Variants in GAD2 observed in about 807,000 individuals in gnomAD.
GAD2 encodes the protein 65 kDa glutamic acid decarboxylase.
Under a neutral mutation model 80.1 loss-of-function variants are expected in GAD2, and 22 were observed. The ratio of observed to expected loss-of-function variants is 0.27; its 90% CI spans 0.20 to 0.39. The LOEUF is 0.39. Ranked by LOEUF, GAD2 falls within the 10% of genes least tolerant of loss-of-function variation. The pLI, the probability that GAD2 is intolerant of heterozygous loss-of-function variation, is 1.00. For synonymous variants in GAD2, 274 were observed against 256.9 expected (o/e 1.07, Z -0.64); for missense variants, 624 against 738.4 (o/e 0.85, Z 1.80).
At chr10:26,258,054 C>A (rs1205900731) in intron 8 of GAD2, among the ~76,000 whole-genome samples, 1 of 152,158 alleles carries the variant, frequency 6.6e-6, no homozygotes, top group Admixed American at 6.5e-5. Context: ...TCATTCTGCC[C>A]TATCTCAGGA....
rs567040121 is a variant in GAD2, at chr10:26,217,888, C to G, written c.183C>G (p.Ser61Arg). The G allele has an allele frequency of 1.2e-6, 2 of 1,603,086 alleles. No individual in the cohort carries two copies. Among genetic ancestry groups the G allele is most frequent in the East Asian group, 2.2e-5 (1 of 44,478 alleles). The stretch of plus-strand genomic sequence containing the variant: ...AGAAGCCGGCGGAGAGCGGCGGGAG[C>G]CAACCCCCGCGGGCCGCCGCCCGGA... ...DAEKPAESGG[S>R]QPPRAAARKA... Residue 61 changes from serine to arginine, a missense_variant, in exon 3 of 16, where the codon AGC (serine) becomes AGG (arginine). Physicochemically the swap from Ser to Arg is moderately radical, Grantham distance 110 (BLOSUM62 -1). Coordinates refer to ENST00000376261, the MANE Select transcript of GAD2 (RefSeq NM_001134366.2). The surrounding 1 kb of genome is among the most constrained non-coding windows in gnomAD (Gnocchi z 4.9).
In GAD2 at chr10:26,228,805, C is replaced by G. The variant is rs561467476; in HGVS notation, c.725-857C>G. Among the ~76,000 whole-genome samples the G allele has an allele frequency of 4.9e-4, 75 of 152,288 alleles. No homozygotes were observed. In the South Asian group the frequency reaches 5.6e-3, roughly 11 times the overall value. On this transcript the variant is annotated intron_variant, in intron 6 of 15. Coordinates refer to ENST00000376261, the MANE Select transcript of GAD2 (RefSeq NM_001134366.2). Reference sequence around the variant, plus strand: ...CCAAAAGCATTCTCCACCCCACCCCCACCAGCCCCCGACCTTCCATATGTG... The same window carrying G: ...CCAAAAGCATTCTCCACCCCACCCCGACCAGCCCCCGACCTTCCATATGTG...
intron 11 of GAD2, among the ~76,000 whole-genome samples, chr10:26,278,979 G>A (rs1845242417): frequency 2.0e-5 from 3 of 151,892 alleles, no homozygotes; most frequent in Admixed American, 1.3e-4. Flanking sequence ...CCATTGTACG[G>A]CCAGACAGGG....
chr10:26,251,027 C>T (rs1388276985), intron 8 of GAD2, among the ~76,000 whole-genome samples: 1 of 150,702 alleles, frequency 6.6e-6, no homozygotes, highest in Non-Finnish European at 1.5e-5. Context: ...CTACAGGCGT[C>T]CACCACCATG....
chr10:26,271,285 T>TA (rs760837954), intron 10 of GAD2, among the ~76,000 whole-genome samples: 16 of 152,172 alleles, frequency 1.1e-4, no homozygotes, highest in Non-Finnish European at 2.4e-4. Flanking sequence ...CTTGGTCAGC[T>TA]AAGAAGATAG....
rs568092980 is a variant in GAD2 at position 26,245,053 on chromosome 10, T to C, written c.841-868T>C. On this transcript the variant is annotated intron_variant, in intron 7 of 15. Coordinates refer to ENST00000376261, the MANE Select transcript of GAD2 (RefSeq NM_001134366.2). ...CTGTAATCCCAGCTACTTGGGAGGC[T>C]GAGGCAGGAGAATCACTGGAACCCG... is the stretch of plus-strand genomic sequence containing the variant. Among the ~76,000 whole-genome samples, 226 of 150,064 alleles carry C rather than the reference T, an allele frequency of 1.5e-3. 2 individuals are homozygous for C. The highest frequency in any genetic ancestry group is 4.7e-3 in the African/African-American group (191 of 40,618).
intron 8 of GAD2, among the ~76,000 whole-genome samples, chr10:26,259,301 A>G (rs1451930223): frequency 6.6e-6 from 1 of 152,118 alleles, no homozygotes; most frequent in Non-Finnish European, 1.5e-5. Context: ...ACTGTTTATC[A>G]TTTTACATTC....
intron 7 of GAD2, among the ~76,000 whole-genome samples, chr10:26,235,144 G>A (rs1006701787): frequency 6.6e-6 from 1 of 152,208 alleles, no homozygotes; most frequent in Admixed American, 6.5e-5. Context: ...AAAGTTCTGG[G>A]ATTACAGGCG....
At position 26,303,469 on chromosome 10, in the gene GAD2, A is replaced by AGG. The variant is rs1340592393; in HGVS notation, c.*2508_*2509insGG. On this transcript the variant is annotated 3_prime_UTR_variant, in exon 16 of 16. Coordinates refer to ENST00000376261, the MANE Select transcript of GAD2 (RefSeq NM_001134366.2). ...AAGGGAGGGAGGGAGGGAGGGAGGG[A>AGG]AGGAGGGAGGGAGGAAGGAAATGAA... The AGG allele has an allele frequency of 7.9e-6, 1 of 126,834 alleles. No individual in the cohort carries two copies. The highest frequency in any genetic ancestry group is 3.1e-5 in the African/African-American group (1 of 31,796). The allele number at this position is 126,834 out of a possible 1,614,324, so 7.9% of individuals were successfully genotyped here.
intron 8 of GAD2, among the ~76,000 whole-genome samples, chr10:26,261,733 C>G (rs1158788847): frequency 6.6e-6 from 1 of 152,130 alleles, no homozygotes; most frequent in Non-Finnish European, 1.5e-5. Flanking sequence ...TCTTAATTTA[C>G]CAAGAATTCT....
chr10:26,216,738 C>T (rs1316240335), upstream of GAD2: 3 of 1,373,106 alleles, frequency 2.2e-6, no homozygotes, highest in Non-Finnish European at 3.0e-6. The surrounding 1 kb of genome is among the most constrained non-coding windows in gnomAD (Gnocchi z 4.7). Context: ...CGCACGCGCG[C>T]GCAGGGCCAA....
intron 7 of GAD2, among the ~76,000 whole-genome samples, chr10:26,244,076 C>T (rs1844776373): frequency 6.6e-6 from 1 of 152,182 alleles, no homozygotes; most frequent in Non-Finnish European, 1.5e-5. Flanking sequence ...CTTGAATAGA[C>T]ATTTCTCCAG....
chr10:26,240,303 C>T (rs990803085), intron 7 of GAD2, among the ~76,000 whole-genome samples: 5 of 152,346 alleles, frequency 3.3e-5, no homozygotes, highest in Non-Finnish European at 5.9e-5. Context: ...CTCCTTCTCA[C>T]TCACTCTTAG....
intron 7 of GAD2, among the ~76,000 whole-genome samples, chr10:26,232,003 A>G (rs1844608203): frequency 6.6e-6 from 1 of 152,296 alleles, no homozygotes; most frequent in East Asian, 1.9e-4. Context: ...AAGTAAAGTA[A>G]CATATTCACG....
chr10:26,218,048 C>T, intron 3 of GAD2, 57 bp downstream of exon 3: 4 of 1,513,846 alleles, frequency 2.6e-6, no homozygotes, highest in Non-Finnish European at 3.5e-6. Context: ...GCCCCGCCCA[C>T]CGCGGCCGGT....
In GAD2 at chr10:26,217,758, G is replaced by A. The variant is rs1384060059; in HGVS notation, c.137-84G>A. ...CCGCATCCCAGTCAGCGGAGTCGGG[G>A]TTTCCTGGCTGCGGGTAGGCGGGAG... is the stretch of plus-strand genomic sequence containing the variant. On this transcript the variant is annotated intron_variant, in intron 2 of 15. Transcript: ENST00000376261. This position sits in a 1 kb window ranked among gnomAD's most constrained non-coding sequence, Gnocchi z 4.9. The A allele has an allele frequency of 5.0e-6, 8 of 1,584,474 alleles. No individual in the cohort carries two copies. The highest frequency in any genetic ancestry group is 2.7e-5 in the African/African-American group (2 of 74,390).
At chr10:26,223,862 G>C (rs572846531) in intron 4 of GAD2, 25 bp from the exon 5 acceptor site, 1 of 1,481,870 alleles carries the variant, frequency 6.7e-7, no homozygotes, top group Admixed American at 1.8e-5. Flanking sequence ...AGGCAATCCT[G>C]ATTCTGGTAT....
chr10:26,278,334 C>A (rs1211472789), intron 11 of GAD2, among the ~76,000 whole-genome samples: 1 of 152,242 alleles, frequency 6.6e-6, no homozygotes, highest in Non-Finnish European at 1.5e-5. Context: ...ACCAAGCTCA[C>A]AAATGACAGA....
chr10:26,216,675 G>C, upstream of GAD2: 2 of 541,508 alleles, frequency 3.7e-6, no homozygotes, highest in Non-Finnish European at 6.2e-6. This position sits in a 1 kb window ranked among gnomAD's most constrained non-coding sequence, Gnocchi z 4.7. Flanking sequence ...ACCCGCCCTC[G>C]CCGCTCGGCC....
Sources: allele counts gnomAD v4.1 joint callset (sites outside exome capture counted in the v4.1 genomes callset), GRCh38; gene constraint gnomAD v4.1.1; non-coding constraint Gnocchi (gnomAD v3.1); transcripts MANE v1.5; gene names NCBI Gene and HGNC (gene_info 2026-07-23, HGNC 2026-07-21).